Variants in FHAD1 observed in about 807,000 individuals in gnomAD.
FHAD1 encodes forkhead associated phosphopeptide binding domain 1.
Under a neutral mutation model 191.3 loss-of-function variants are expected in FHAD1, and 146 were observed. The observed-to-expected ratio is 0.76, with a 90% CI of 0.67 to 0.88. The LOEUF (loss-of-function observed/expected upper bound fraction) is 0.88. FHAD1 is among the 40% of genes least tolerant of loss of function. FHAD1 has a pLI of 0.00. For missense variants in FHAD1, 1,635 were observed against 1,785.8 expected, an observed-to-expected ratio of 0.92 and a Z score of 1.52; for synonymous variants, 616 against 672.3, an observed-to-expected ratio of 0.92 and a Z score of 1.29.
intron 2 of FHAD1, among the ~76,000 whole-genome samples, chr1:15,258,610 A>T (rs1438012362): frequency 6.7e-6 from 1 of 148,492 alleles, no homozygotes; most frequent in Admixed American, 6.7e-5. Flanking sequence ...ATGGAGTCAG[A>T]GTCTCGCTCT....
At chr1:15,263,585 A>G (rs1282413439) in intron 2 of FHAD1, among the ~76,000 whole-genome samples, 16 of 141,874 alleles carry the variant, frequency 1.1e-4, no homozygotes. Context: ...GCAGTGGCGC[A>G]ATCTCGGCTC....
intron 26 of FHAD1, among the ~76,000 whole-genome samples, chr1:15,374,198 C>T (rs967682976): frequency 6.6e-6 from 1 of 152,098 alleles, no homozygotes; most frequent in African/African-American, 2.4e-5. Context: ...ACAAGACCAG[C>T]ATGACAGCGA....
chr1:15,370,338 G>A (rs1246188269), intron 26 of FHAD1, among the ~76,000 whole-genome samples: 2 of 152,152 alleles, frequency 1.3e-5, no homozygotes. Flanking sequence ...TGTACATTCT[G>A]CAACATGGGT....
intron 11 of FHAD1, chr1:15,326,095 C>A (rs1678469694): frequency 6.6e-6 from 1 of 152,368 alleles, no homozygotes. Flanking sequence ...CTGGTCTTCT[C>A]CTGGCAGGGT....
intron 4 of FHAD1, among the ~76,000 whole-genome samples, chr1:15,293,575 G>A (rs980927178): frequency 5.9e-5 from 9 of 152,148 alleles, no homozygotes; most frequent in Non-Finnish European, 1.0e-4. Flanking sequence ...AAAATTAGCT[G>A]GGTGTGGTGG....
intron 2 of FHAD1, among the ~76,000 whole-genome samples, chr1:15,257,444 G>C (rs1648759577): frequency 1.3e-5 from 2 of 152,200 alleles, no homozygotes; most frequent in Admixed American, 1.3e-4. Context: ...ACCCCTCCCC[G>C]GTCCTGTGAC....
At chr1:15,253,709 G>A (rs1260886351) in intron 2 of FHAD1, among the ~76,000 whole-genome samples, 3 of 152,088 alleles carry the variant, frequency 2.0e-5, no homozygotes, top group South Asian at 2.1e-4. Context: ...AAGTTTTTTT[G>A]TCGCCTGCTT....
chr1:15,303,163 C>T (rs1048756052), intron 6 of FHAD1, among the ~76,000 whole-genome samples: 2 of 152,172 alleles, frequency 1.3e-5, no homozygotes, highest in Non-Finnish European at 2.9e-5. Context: ...AGTTGTGTTC[C>T]AATGAGGGGG....
At chr1:15,278,016 A>T (rs1386219109) in intron 3 of FHAD1, among the ~76,000 whole-genome samples, 1 of 152,196 alleles carries the variant, frequency 6.6e-6, no homozygotes, top group Admixed American at 6.5e-5. Context: ...TATAGATGGT[A>T]GGAGGCAGAG....
chr1:15,264,578 G>GTGTA (rs1553230111), intron 2 of FHAD1, among the ~76,000 whole-genome samples: 1,587 of 149,912 alleles, frequency 0.011, 98 homozygotes, highest in African/African-American at 0.028. Flanking sequence ...GTGTGTGTGT[G>GTGTA]ATCTTTAGGG....
intron 22 of FHAD1, among the ~76,000 whole-genome samples, chr1:15,362,330 C>G (rs986007519): frequency 2.6e-5 from 4 of 152,202 alleles, no homozygotes; most frequent in African/African-American, 9.7e-5. Flanking sequence ...GCGGTGGGAC[C>G]AGGGGCTGAG....
intron 31 of FHAD1, chr1:15,383,213 G>A: frequency 2.1e-6 from 1 of 471,286 alleles, no homozygotes; most frequent in South Asian, 1.5e-5. Context: ...AAAGAATGCA[G>A]GCATCCCTCG....
At chr1:15,307,135 G>A (rs1235270323) in intron 6 of FHAD1, among the ~76,000 whole-genome samples, 1 of 152,200 alleles carries the variant, frequency 6.6e-6, no homozygotes, top group Non-Finnish European at 1.5e-5. Context: ...GAGACCTGGA[G>A]TCAAAAGATC....
rs138379154 is a variant in FHAD1 at position 15,393,522 on chromosome 1, T to C, written c.4323+2259T>C. Among the ~76,000 whole-genome samples the C allele has an allele frequency of 6.9e-4, 104 of 151,348 alleles. 1 individual carries two copies. The East Asian group carries it at 0.019, about 28-fold the overall frequency. ...AAGAATTCTCAGGGGGCGAGGTTGA[T>C]AGTGAAAGAAAGGCTGAGAAACACA... On this transcript the variant is annotated intron_variant, in intron 33 of 33. Transcript: ENST00000688493.
At chr1:15,368,265 C>T (rs1005633953) in intron 25 of FHAD1, among the ~76,000 whole-genome samples, 32 of 152,110 alleles carry the variant, frequency 2.1e-4, no homozygotes, top group African/African-American at 6.3e-4. Context: ...TGAGCCACCG[C>T]GCCCGGCCCC....
At chr1:15,363,431 G>A (rs1558235058) in intron 23 of FHAD1, among the ~76,000 whole-genome samples, 1 of 152,190 alleles carries the variant, frequency 6.6e-6, no homozygotes, top group African/African-American at 2.4e-5. Context: ...AAACATAGCA[G>A]ATCCCAACTC....
chr1:15,332,285 C>G (rs1426764892), intron 14 of FHAD1, among the ~76,000 whole-genome samples: 1 of 152,110 alleles, frequency 6.6e-6, no homozygotes, highest in Non-Finnish European at 1.5e-5. Context: ...GGAACTAAAA[C>G]AAAGACCATG....
intron 3 of FHAD1, among the ~76,000 whole-genome samples, chr1:15,280,980 C>T (rs1660404357): frequency 6.6e-6 from 1 of 152,200 alleles, no homozygotes; most frequent in Non-Finnish European, 1.5e-5. Flanking sequence ...TCTTTAAGTT[C>T]TAAAACGTGG....
chr1:15,261,396 C>T (rs566838603), intron 2 of FHAD1, among the ~76,000 whole-genome samples: 3 of 152,254 alleles, frequency 2.0e-5, no homozygotes, highest in South Asian at 2.1e-4. Context: ...GATGACTAAT[C>T]GCTGCTCTAT....
Sources: gnomAD v4.1 joint callset for allele counts (sites outside exome capture counted in the v4.1 genomes callset) on GRCh38, gnomAD v4.1.1 for gene constraint, MANE v1.5 for transcripts, NCBI Gene and HGNC (gene_info 2026-07-23, HGNC 2026-07-21) for gene names.